The following PIP5K1C variants were observed in gnomAD, a reference collection of about 807,000 sequenced individuals.
PIP5K1C encodes the protein phosphatidylinositol-4-phosphate 5-kinase type 1 gamma, also known as phosphatidylinositol 4-phosphate 5-kinase type-1 gamma.
In PIP5K1C, 45 loss-of-function variants were observed where a neutral mutation model predicts 80.1. The observed-to-expected ratio is 0.56, with a 90% confidence interval of 0.44 to 0.72. The LOEUF (loss-of-function observed/expected upper bound fraction) is 0.72, where lower values mean the gene tolerates loss of function less well. Among genes scored for constraint, PIP5K1C ranks in the 30% least tolerant of loss-of-function variants. The pLI, the probability that PIP5K1C is intolerant of heterozygous loss-of-function variation, is 0.00. For synonymous variants in PIP5K1C, 498 were observed against 420.1 expected (o/e 1.19, Z -2.27); for missense variants, 753 against 954.6 (o/e 0.79, Z 2.78).
chr19:3,650,833 T>C (rs2034414624), intron 8 of PIP5K1C, among the ~76,000 whole-genome samples: 1 of 152,160 alleles, frequency 6.6e-6, no homozygotes, highest in African/African-American at 2.4e-5. Context: ...CTCAGCTCAC[T>C]GCAACCTCCA....
intron 11 of PIP5K1C, among the ~76,000 whole-genome samples, chr19:3,644,667 C>G (rs781757980): frequency 6.6e-6 from 1 of 152,232 alleles, no homozygotes; most frequent in Non-Finnish European, 1.5e-5. Flanking sequence ...GTTAGAGAAG[C>G]CTGTGGCTCA....
At chr19:3,665,004 G>C in intron 2 of PIP5K1C, 90 bp from the exon 3 acceptor site, 1 of 1,097,824 alleles carries the variant, frequency 9.1e-7, no homozygotes. Context: ...GAAAGGTTTA[G>C]TCGTTGGGCC....
chr19:3,662,025 G>A (rs2034849374), intron 3 of PIP5K1C, 24 bp from the exon 4 acceptor site: 1 of 1,567,026 alleles, frequency 6.4e-7, no homozygotes, highest in Non-Finnish European at 8.6e-7. Flanking sequence ...AGAGTGTCAG[G>A]GCCCCCGGCT....
chr19:3,670,622 T>C (rs1190234866), intron 1 of PIP5K1C, among the ~76,000 whole-genome samples: 1 of 152,194 alleles, frequency 6.6e-6, no homozygotes, highest in Non-Finnish European at 1.5e-5. Flanking sequence ...GGACTTTGTC[T>C]GGGCAGCCCA....
chr19:3,678,463 A>ACAGAG (rs2035471220), intron 1 of PIP5K1C, among the ~76,000 whole-genome samples: 1 of 94,846 alleles, frequency 1.1e-5, no homozygotes, highest in Non-Finnish European at 2.2e-5. Flanking sequence ...GGAGGGATGG[A>ACAGAG]GGATGGAGGG....
chr19:3,647,151 G>C (rs112066255), intron 10 of PIP5K1C, among the ~76,000 whole-genome samples, 187 bp downstream of exon 10: 1 of 132,600 alleles, frequency 7.5e-6, no homozygotes, highest in Non-Finnish European at 1.6e-5. Flanking sequence ...ATGGGAGGAG[G>C]GTGCAGGCAC....
At chr19:3,699,332 G>T (rs1303835321) in intron 1 of PIP5K1C, among the ~76,000 whole-genome samples, 1 of 149,708 alleles carries the variant, frequency 6.7e-6, no homozygotes. Flanking sequence ...TTTCAAGGCG[G>T]GGGGTGGGGG....
intron 3 of PIP5K1C, 130 bp downstream of exon 3, chr19:3,664,692 G>T: frequency 1.2e-6 from 1 of 820,820 alleles, no homozygotes; most frequent in East Asian, 2.5e-5. Context: ...CCTCCACACA[G>T]CCCACACCTG....
rs1316941142 is a variant in PIP5K1C, at chr19:3,648,030, C to T, written c.1211+595G>A. Among the ~76,000 whole-genome samples the T allele has an allele frequency of 6.7e-6, 1 of 149,794 alleles. No individual in the cohort carries two copies. Among genetic ancestry groups the T allele is most frequent in the Admixed American group, 6.7e-5 (1 of 15,020 alleles). ...ACCCACTCCTTGGATTTTCTTTTTT[C>T]TTTTTTTTTGGGACAGGGTCTTGCT... On this transcript the variant is annotated intron_variant, in intron 9 of 17. Coordinates refer to ENST00000335312, the MANE Select transcript of PIP5K1C (RefSeq NM_012398.3). This position sits in a 1 kb window ranked among gnomAD's most constrained non-coding sequence, Gnocchi z 4.3.
intron 5 of PIP5K1C, among the ~76,000 whole-genome samples, 174 bp downstream of exon 5, chr19:3,660,792 G>A (rs941688334): frequency 6.6e-6 from 1 of 152,056 alleles, no homozygotes; most frequent in Non-Finnish European, 1.5e-5. Context: ...CTTGGAGGCC[G>A]ATCTCTCCTG....
In PIP5K1C at chr19:3,637,835, A is replaced by G; in HGVS notation, c.1920+1049T>C. On this transcript the variant is annotated intron_variant, in intron 16 of 17. Transcript: ENST00000335312. This position sits in a 1 kb window ranked among gnomAD's most constrained non-coding sequence, Gnocchi z 7.0. ...CACCTGGCAGGGCATCAGGACACAGACACACAGCACGACATGGCCCCCAGG... is the reference window on the plus strand; with the variant it reads ...CACCTGGCAGGGCATCAGGACACAGGCACACAGCACGACATGGCCCCCAGG... 1 of 1,535,266 alleles carries G rather than the reference A, an allele frequency of 6.5e-7. No homozygotes were observed. Among genetic ancestry groups the G allele is most frequent in the Non-Finnish European group, 8.7e-7 (1 of 1,146,648 alleles).
intron 1 of PIP5K1C, among the ~76,000 whole-genome samples, chr19:3,677,563 A>G (rs2035398932): frequency 6.6e-6 from 1 of 151,234 alleles, no homozygotes; most frequent in Non-Finnish European, 1.5e-5. Context: ...AGCCTGGGCA[A>G]CAGAGTGAGA....
rs144485381 is a variant in PIP5K1C, at chr19:3,662,479, T to C, written c.220-478A>G. ...CACTGGGCAACCCACATGGCCGCTATGTGCCTCAGTTTCCCTGCCTGTAGA... is the reference window on the plus strand; with the variant it reads ...CACTGGGCAACCCACATGGCCGCTACGTGCCTCAGTTTCCCTGCCTGTAGA... On this transcript the variant is annotated intron_variant, in intron 3 of 17. Transcript: ENST00000335312. 5.5e-3 allele frequency among the ~76,000 whole-genome samples: 831 copies of C among 152,372 alleles called. 5 individuals are homozygous for C. The highest frequency in any genetic ancestry group is 0.026 in the East Asian group (133 of 5,196).
intron 1 of PIP5K1C, among the ~76,000 whole-genome samples, chr19:3,697,044 C>A (rs1374454586): frequency 6.6e-6 from 1 of 151,412 alleles, no homozygotes; most frequent in Non-Finnish European, 1.5e-5. Flanking sequence ...CAAAGGAGGA[C>A]TGAGCTGGAC....
chr19:3,695,513 C>T (rs564542344), intron 1 of PIP5K1C, among the ~76,000 whole-genome samples: 5 of 152,208 alleles, frequency 3.3e-5, no homozygotes, highest in South Asian at 2.1e-4. Context: ...TGCACATCCC[C>T]GGCTGGCATG....
intron 16 of PIP5K1C, among the ~76,000 whole-genome samples, chr19:3,634,379 T>C (rs1008485057): frequency 5.3e-5 from 8 of 152,032 alleles, no homozygotes; most frequent in Admixed American, 4.6e-4. Flanking sequence ...TCTTCCTTGT[T>C]GTGTCCTCCT....
At position 3,658,714 on chromosome 19, in the gene PIP5K1C, G is replaced by A. The variant is rs138685611; in HGVS notation, c.469-2157C>T. 1.4e-3 allele frequency among the ~76,000 whole-genome samples: 212 copies of A among 152,306 alleles called. 1 individual carries two copies. Among genetic ancestry groups the A allele is most frequent in the African/African-American group, 4.9e-3 (204 of 41,582 alleles). On this transcript the variant is annotated intron_variant, in intron 5 of 17. Transcript: ENST00000335312. ...TCCACGGTGGCAGGAGGGGGAGGCC[G>A]ATCTCACCTGCAGAGCGGAAAACAC...
intron 1 of PIP5K1C, among the ~76,000 whole-genome samples, chr19:3,684,327 T>C (rs1182098737): frequency 6.6e-6 from 1 of 152,172 alleles, no homozygotes; most frequent in Admixed American, 6.5e-5. Flanking sequence ...CACACACAGA[T>C]GGGGACACCT....
rs182394832 is a variant in PIP5K1C, at chr19:3,650,826, A to G, written c.1127+1000T>C. On this transcript the variant is annotated intron_variant, in intron 8 of 17. Transcript: ENST00000335312. Reference sequence around the variant, plus strand: ...GGCTGGAGTGCAATAGCTCAATCTCAGCTCACTGCAACCTCCACCTCCTGG... The same window carrying G: ...GGCTGGAGTGCAATAGCTCAATCTCGGCTCACTGCAACCTCCACCTCCTGG... Among the ~76,000 whole-genome samples, 178 of 152,002 alleles carry G rather than the reference A, an allele frequency of 1.2e-3. 1 individual carries two copies. The highest frequency in any genetic ancestry group is 4.2e-3 in the African/African-American group (174 of 41,452).
Sources: allele counts gnomAD v4.1 joint callset (sites outside exome capture counted in the v4.1 genomes callset), GRCh38; gene constraint gnomAD v4.1.1; non-coding constraint Gnocchi (gnomAD v3.1); transcripts MANE v1.5; gene names NCBI Gene and HGNC (gene_info 2026-07-23, HGNC 2026-07-21).